The following LRP1B variants were observed in gnomAD, a reference collection of about 807,000 sequenced individuals.
The protein encoded by LRP1B is low-density lipoprotein receptor-related protein 1B.
In LRP1B, 217 loss-of-function variants were observed where a neutral mutation model predicts 556.6. The observed-to-expected ratio is 0.39, with a 90% CI of 0.35 to 0.44. The LOEUF (loss-of-function observed/expected upper bound fraction) is 0.44. LRP1B is among the 20% of genes least tolerant of loss of function. LRP1B has a pLI of 1.00. For missense variants in LRP1B, 5,053 were observed against 5,620.8 expected (o/e 0.90, Z 3.23); for synonymous variants, 2,047 against 1,865.8 (o/e 1.10, Z -2.50).
At chr2:140,422,689 G>C (rs2105268288) in intron 66 of LRP1B, among the ~76,000 whole-genome samples, 1 of 152,264 alleles carries the variant, frequency 6.6e-6, no homozygotes, top group South Asian at 2.1e-4. Context: ...GAAGAAACCA[G>C]GCTTAAATTA....
rs560179411 is a variant in LRP1B at position 141,718,503 on chromosome 2, A to G, written c.205+91776T>C. Among the ~76,000 whole-genome samples, 8 of 152,274 alleles carry G rather than the reference A, an allele frequency of 5.3e-5. No individual in the cohort carries two copies. The South Asian group carries it at 1.7e-3, about 32-fold the overall frequency. ...TGACCCTACATGCCTGTAATATTTA[A>G]AAAACAAGTGAAGATTTTATTGGTA... On this transcript the variant is annotated intron_variant, in intron 2 of 90. Coordinates refer to ENST00000389484, the MANE Select transcript of LRP1B (RefSeq NM_018557.3).
At chr2:141,372,837 C>T (rs1689280574) in intron 3 of LRP1B, among the ~76,000 whole-genome samples, 1 of 151,730 alleles carries the variant, frequency 6.6e-6, no homozygotes. Context: ...TTTTGTTGAT[C>T]ATTTCTATTT....
intron 62 of LRP1B, among the ~76,000 whole-genome samples, chr2:140,454,244 G>C (rs1267639353): frequency 6.6e-6 from 1 of 152,088 alleles, no homozygotes; most frequent in Non-Finnish European, 1.5e-5. Flanking sequence ...CGCCTTCTGG[G>C]TTCAAGCAAT....
At chr2:141,279,662 C>T (rs1685436313) in intron 3 of LRP1B, among the ~76,000 whole-genome samples, 2 of 152,012 alleles carry the variant, frequency 1.3e-5, no homozygotes, top group Admixed American at 6.6e-5. Context: ...TTCATTTCTT[C>T]TTTTGGAGCC....
At chr2:140,290,350 G>A (rs1350014320) in intron 84 of LRP1B, among the ~76,000 whole-genome samples, 1 of 151,876 alleles carries the variant, frequency 6.6e-6, no homozygotes, top group South Asian at 2.1e-4. Flanking sequence ...TAGAAGAAAA[G>A]GTACATAAAG....
At chr2:140,274,087 T>C (rs1682572805) in intron 85 of LRP1B, among the ~76,000 whole-genome samples, 1 of 152,040 alleles carries the variant, frequency 6.6e-6, no homozygotes, top group African/African-American at 2.4e-5. Flanking sequence ...ATTAACAGCC[T>C]GAGCTAATCT....
chr2:140,536,427 A>T (rs954332544), intron 46 of LRP1B, among the ~76,000 whole-genome samples, 154 bp downstream of exon 46: 5 of 151,710 alleles, frequency 3.3e-5, no homozygotes, highest in African/African-American at 1.2e-4. Context: ...CCTCATTTTA[A>T]CACAAGCAAA....
At chr2:140,437,225 G>A (rs924930678) in intron 66 of LRP1B, among the ~76,000 whole-genome samples, 3 of 152,154 alleles carry the variant, frequency 2.0e-5, no homozygotes, top group African/African-American at 7.2e-5. Context: ...TGAGGTTCCA[G>A]AGACTGTGTG....
intron 25 of LRP1B, among the ~76,000 whole-genome samples, chr2:140,872,360 ATTTTTTTTTTT>A (rs59469282): frequency 3.3e-5 from 2 of 60,496 alleles, no homozygotes; most frequent in Admixed American, 2.3e-4. Context: ...GTGTCACCTG[ATTTTTTTTTTT>A]TTTTTTTTTT....
intron 7 of LRP1B, among the ~76,000 whole-genome samples, chr2:141,089,189 A>G (rs1054530344): frequency 2.0e-5 from 3 of 152,154 alleles, no homozygotes; most frequent in South Asian, 2.1e-4. Flanking sequence ...ATACACAGCC[A>G]CCCTTCAGGC....
chr2:140,832,791 T>C (rs772985516), intron 31 of LRP1B, among the ~76,000 whole-genome samples: 1 of 152,228 alleles, frequency 6.6e-6, no homozygotes, highest in South Asian at 2.1e-4. Context: ...GGTACAAAAG[T>C]ACAGTTAGAA....
chr2:140,972,784 A>G (rs1274541348), intron 18 of LRP1B, among the ~76,000 whole-genome samples: 1 of 151,802 alleles, frequency 6.6e-6, no homozygotes, highest in African/African-American at 2.4e-5. Flanking sequence ...GAAAATTTGG[A>G]AACTAGAGAG....
In LRP1B at chr2:141,827,580, G is replaced by T. The variant is rs557370216; in HGVS notation, c.83-17179C>A. Among the ~76,000 whole-genome samples, 69 of 152,148 alleles carry T rather than the reference G, an allele frequency of 4.5e-4. No homozygotes were observed. The Middle Eastern group carries it at 0.014, about 30-fold the overall frequency. On this transcript the variant is annotated intron_variant, in intron 1 of 90. Coordinates refer to ENST00000389484, the MANE Select transcript of LRP1B (RefSeq NM_018557.3). The stretch of plus-strand genomic sequence containing the variant: ...TTGACATCAGACTACTCCTTCAACA[G>T]ATGGTGGAACATTATATAGCCAGTA...
At chr2:140,623,956 G>GTATATATATATATATTTATATATATATA (rs1683555784) in intron 41 of LRP1B, among the ~76,000 whole-genome samples, 1 of 106,436 alleles carries the variant, frequency 9.4e-6, no homozygotes, top group Non-Finnish European at 1.9e-5. Context: ...TTTTATTTAT[G>GTATATATATATATATTTATATATATATA]TATATATATA....
intron 2 of LRP1B, among the ~76,000 whole-genome samples, chr2:141,794,142 C>T (rs1396288113): frequency 6.6e-6 from 1 of 151,796 alleles, no homozygotes. Flanking sequence ...TAACTTTTCC[C>T]CCCACATCTT....
At chr2:141,374,373 T>C (rs1271809674) in intron 3 of LRP1B, among the ~76,000 whole-genome samples, 1 of 152,186 alleles carries the variant, frequency 6.6e-6, no homozygotes, top group East Asian at 1.9e-4. Context: ...TTTTGCAATG[T>C]CTTTGCCTGG....
chr2:141,824,904 G>T (rs1696872716), intron 1 of LRP1B, among the ~76,000 whole-genome samples: 1 of 152,122 alleles, frequency 6.6e-6, no homozygotes, highest in Admixed American at 6.5e-5. Flanking sequence ...GTTGTATCAT[G>T]GGAATGGTTT....
At chr2:141,576,190 A>ATC (rs1686735733) in intron 2 of LRP1B, among the ~76,000 whole-genome samples, 1 of 3,486 alleles carries the variant, frequency 2.9e-4, no homozygotes, top group Non-Finnish European at 9.9e-4. Context: ...CCAAATACCT[A>ATC]ATGATAGACT....
At chr2:140,978,012 T>C (rs568556713) in intron 18 of LRP1B, among the ~76,000 whole-genome samples, 28 of 152,304 alleles carry the variant, frequency 1.8e-4, no homozygotes, top group African/African-American at 6.3e-4. Context: ...CAACACAGGC[T>C]TCACAATTTG....
Sources: gnomAD v4.1 joint callset for allele counts (sites outside exome capture counted in the v4.1 genomes callset) on GRCh38, gnomAD v4.1.1 for gene constraint, MANE v1.5 for transcripts, NCBI Gene and HGNC (gene_info 2026-07-23, HGNC 2026-07-21) for gene names.